Variants in COL16A1 observed in about 807,000 individuals in gnomAD.
COL16A1 encodes collagen type XVI alpha 1 chain.
A neutral mutation model predicts 266.3 loss-of-function variants in COL16A1; 189 were observed. The ratio of observed to expected loss-of-function variants is 0.71; its 90% CI spans 0.63 to 0.80. The LOEUF (loss-of-function observed/expected upper bound fraction) is 0.80, where lower values mean the gene tolerates loss of function less well. COL16A1 is among the 30% of genes least tolerant of loss of function. The pLI, the probability that COL16A1 is intolerant of heterozygous loss-of-function variation, is 0.00. For missense variants in COL16A1, 1,928 were observed against 2,122.4 expected (o/e 0.91, Z 1.80); for synonymous variants, 740 against 782.3 (o/e 0.95, Z 0.90).
In COL16A1 at chr1:31,654,971, CTTTTTTTTTT is replaced by C. The variant is rs10586841; in HGVS notation, c.4291-123_4291-114del. 1.1e-3 allele frequency: 453 copies of C among 414,384 alleles called. 1 individual carries two copies. The highest frequency in any genetic ancestry group is 2.5e-3 in the African/African-American group (65 of 25,640). 25.7% of individuals were successfully genotyped at this position (414,384 alleles called of 1,614,324 possible). A position where few individuals can be genotyped will look rare whatever the true frequency, so the allele number is the denominator to read the frequency against. On this transcript the variant is annotated intron_variant, in intron 67 of 70. Transcript: ENST00000373672. The stretch of plus-strand genomic sequence containing the variant: ...AGGTCCCAGGAGCCTCCCACAGATT[CTTTTTTTTTT>C]TTTTTTTTTTTTTTTTTTCTGAGAC...
At chr1:31,680,176 G>A (rs963369943) in intron 39 of COL16A1, 75 bp from the exon 40 acceptor site, 194 of 1,555,056 alleles carry the variant, frequency 1.2e-4, no homozygotes, top group Admixed American at 1.3e-4. Flanking sequence ...CGAGAGGCAC[G>A]TGGGCTCTAG....
intron 29 of COL16A1, 74 bp from the exon 30 acceptor site, chr1:31,684,930 G>A: frequency 1.2e-6 from 2 of 1,607,886 alleles, no homozygotes; most frequent in Non-Finnish European, 1.7e-6. Flanking sequence ...ACATCAGGCT[G>A]GGGCATACAA....
Position 31,697,178 on chromosome 1 carries a change from GCA to G in COL16A1, c.738+40_738+41del. 6.2e-7 allele frequency: 1 copy of G among 1,613,108 alleles called. No homozygotes were observed. The highest frequency in any genetic ancestry group is 8.5e-7 in the Non-Finnish European group (1 of 1,179,468). ...ATCACCTTCCAGACCCTCATCTCCA[GCA>G]CAGTGTGTCCCTGGGCAGCCCAAGG... On this transcript the variant is annotated intron_variant, in intron 7 of 70. Transcript: ENST00000373672. The surrounding 1 kb of genome is among the most constrained non-coding windows in gnomAD (Gnocchi z 4.2).
In COL16A1 at chr1:31,688,546, A is replaced by G. The variant is rs374916940; in HGVS notation, c.1768-44T>C. 9.1e-5 allele frequency: 147 copies of G among 1,613,004 alleles called. No homozygotes were observed. The highest frequency in any genetic ancestry group is 1.2e-4 in the Admixed American group (7 of 59,926). On this transcript the variant is annotated intron_variant, in intron 25 of 70. Coordinates refer to ENST00000373672, the MANE Select transcript of COL16A1 (RefSeq NM_001856.4). The surrounding 1 kb of genome is among the most constrained non-coding windows in gnomAD (Gnocchi z 4.9). ...AGAGTCTCAGCATCTCCCCACTCCC[A>G]CCTCTCCAAGGCTCCCCGGGTCCCA... is the stretch of plus-strand genomic sequence containing the variant.
rs1209426326 is a variant in COL16A1, at chr1:31,658,476, G to A, written c.4020+12C>T. The A allele has an allele frequency of 6.3e-7, 1 of 1,592,882 alleles. No individual in the cohort carries two copies. Among genetic ancestry groups the A allele is most frequent in the East Asian group, 2.3e-5 (1 of 44,342 alleles). On this transcript the variant is annotated intron_variant, in intron 64 of 70. Coordinates refer to ENST00000373672, the MANE Select transcript of COL16A1 (RefSeq NM_001856.4). The stretch of plus-strand genomic sequence containing the variant: ...TTCCCCCTGGGCTATGCTGTAGAAT[G>A]TGGGATCTTACTGGGGGGCCAGGGT...
In COL16A1 at chr1:31,698,031, G is replaced by C; in HGVS notation, c.532C>G (p.Arg178Gly). 8.1e-6 allele frequency: 13 copies of C among 1,613,738 alleles called. No individual in the cohort carries two copies. Among genetic ancestry groups the C allele is most frequent in the Non-Finnish European group, 1.1e-5 (13 of 1,180,046 alleles). The change falls in exon 6 of 71, where the codon CGT becomes GGT. Residue 178 changes from arginine to glycine, a missense_variant. By Grantham distance (125) the Arg-to-Gly change is moderately radical. Around this residue, in one of 2 missense-constraint regions of COL16A1, gnomAD observed 1,552 missense variants for 1,637.2 expected, o/e 0.95. Coordinates refer to ENST00000373672, the MANE Select transcript of COL16A1 (RefSeq NM_001856.4). The surrounding 1 kb of genome is among the most constrained non-coding windows in gnomAD (Gnocchi z 4.1). ...WHKLMLSVAG[R>G]VASVHVDCSS... The stretch of plus-strand genomic sequence containing the variant: ...CAGTCCACGTGCACAGAGGCCACAC[G>C]TCCAGCCACACTCAGCATCAGCTTG...
At chr1:31,679,718 G>A (rs948583585) in intron 41 of COL16A1, 33 bp from the exon 42 acceptor site, 7 of 1,613,388 alleles carry the variant, frequency 4.3e-6, no homozygotes, top group Non-Finnish European at 5.9e-6. Flanking sequence ...AGAGCCAGCA[G>A]AGAGCTCTGC....
chr1:31,695,801 G>C lies in COL16A1; in HGVS notation c.919-14C>G. On this transcript the variant is annotated splice_polypyrimidine_tract_variant and intron_variant, in intron 9 of 70. Transcript: ENST00000373672. ...CTCCTGATGGACCTGAGGAAAGGGT[G>C]GGGGGTGTGGGAATGGGCAGGGAGC... The C allele has an allele frequency of 1.9e-6, 3 of 1,610,278 alleles. No individual in the cohort carries two copies. The highest frequency in any genetic ancestry group is 2.5e-6 in the Non-Finnish European group (3 of 1,177,044).
At chr1:31,679,080 T>A (rs1643411770) in intron 42 of COL16A1, 1 of 183,692 alleles carries the variant, frequency 5.4e-6, no homozygotes, top group Non-Finnish European at 1.1e-5. Context: ...TGCAAATACT[T>A]CTCCTGCCCT....
Position 31,697,794 on chromosome 1 carries a change from A to T in COL16A1, c.657+112T>A, listed in dbSNP as rs1331525162. ...GGCTGCATTTGGAGGGCAACAGGAA[A>T]GCAGGGGAAGATTCTAAGCAGGAGA... On this transcript the variant is annotated intron_variant, in intron 6 of 70. Transcript: ENST00000373672. This position sits in a 1 kb window ranked among gnomAD's most constrained non-coding sequence, Gnocchi z 4.2. The T allele has an allele frequency of 7.7e-7, 1 of 1,305,272 alleles. No homozygotes were observed. The highest frequency in any genetic ancestry group is 1.0e-6 in the Non-Finnish European group (1 of 954,918). 80.9% of individuals were successfully genotyped at this position (1,305,272 alleles called of 1,614,324 possible).
At position 31,698,912 on chromosome 1, in the gene COL16A1, G is replaced by A. The variant is rs1644611475; in HGVS notation, c.267-306C>T. ...AGTTGGAGACCAGCCTGGGCAGCATGGTGAAACACCGTCTCTACTAAAAAT... is the reference window on the plus strand; with the variant it reads ...AGTTGGAGACCAGCCTGGGCAGCATAGTGAAACACCGTCTCTACTAAAAAT... On this transcript the variant is annotated intron_variant, in intron 4 of 70. Transcript: ENST00000373672. This position sits in a 1 kb window ranked among gnomAD's most constrained non-coding sequence, Gnocchi z 4.1. Among the ~76,000 whole-genome samples the A allele has an allele frequency of 6.6e-6, 1 of 152,094 alleles. No individual in the cohort carries two copies. The highest frequency in any genetic ancestry group is 2.4e-5 in the African/African-American group (1 of 41,398).
rs771431127 is a variant in COL16A1 at position 31,688,704 on chromosome 1, G to A, written c.1767+157C>T. 2 of 1,053,588 alleles carry A rather than the reference G, an allele frequency of 1.9e-6. No homozygotes were observed. Among genetic ancestry groups the A allele is most frequent in the Non-Finnish European group, 1.4e-6 (1 of 711,938 alleles). 65.3% of individuals were successfully genotyped at this position (1,053,588 alleles called of 1,614,324 possible). A position where few individuals can be genotyped will look rare whatever the true frequency, so the allele number is the denominator to read the frequency against. ...GGGCAAGGAGCCTGGGGCAGCACAG[G>A]GACGGAGGGAGGGACCAGGAGACAG... On this transcript the variant is annotated intron_variant, in intron 25 of 70. Transcript: ENST00000373672. The surrounding 1 kb of genome is among the most constrained non-coding windows in gnomAD (Gnocchi z 4.9).
In COL16A1 at chr1:31,686,239, C is replaced by T. The variant is rs1228177917; in HGVS notation, c.1839+5G>A. 2 of 1,614,082 alleles carry T rather than the reference C, an allele frequency of 1.2e-6. No homozygotes were observed. The highest frequency in any genetic ancestry group is 1.3e-5 in the African/African-American group (1 of 74,930). ...CCAAGCTGTTGCCATCCAAAACATA[C>T]TTACTGGACTGCCAGCTGGCCCTGC... On this transcript the variant is annotated splice_donor_5th_base_variant and intron_variant, in intron 27 of 70. Coordinates refer to ENST00000373672, the MANE Select transcript of COL16A1 (RefSeq NM_001856.4).
intron 62 of COL16A1, chr1:31,659,714 T>G (rs1641475482): frequency 6.6e-6 from 1 of 152,278 alleles, no homozygotes; most frequent in East Asian, 1.9e-4. Flanking sequence ...GGGGTGGAAG[T>G]GTCCAGCACA....
At chr1:31,684,995 A>T in intron 29 of COL16A1, 139 bp from the exon 30 acceptor site, 2 of 1,529,072 alleles carry the variant, frequency 1.3e-6, no homozygotes, top group Non-Finnish European at 1.8e-6. Flanking sequence ...AATCTTGCCC[A>T]GGTGCAGAGC....
Position 31,652,935 on chromosome 1 carries a change from C to T in COL16A1, c.4613-82G>A, listed in dbSNP as rs1009111335. On this transcript the variant is annotated intron_variant, in intron 70 of 70. Coordinates refer to ENST00000373672, the MANE Select transcript of COL16A1 (RefSeq NM_001856.4). This position sits in a 1 kb window ranked among gnomAD's most constrained non-coding sequence, Gnocchi z 4.8. ...GAAGCCATAATGGCATCAAATAATA[C>T]CTTACATTTGATGACTGTTTCTCAA... 3.1e-6 allele frequency: 4 copies of T among 1,275,158 alleles called. No individual in the cohort carries two copies. Among genetic ancestry groups the T allele is most frequent in the Non-Finnish European group, 4.1e-6 (4 of 969,678 alleles). The allele number at this position is 1,275,158 out of a possible 1,614,324, so 79.0% of individuals were successfully genotyped here. A position where few individuals can be genotyped will look rare whatever the true frequency, so the allele number is the denominator to read the frequency against.
At chr1:31,687,666 AC>A (rs1446264072) in intron 26 of COL16A1, among the ~76,000 whole-genome samples, 1 of 150,708 alleles carries the variant, frequency 6.6e-6, no homozygotes, top group African/African-American at 2.5e-5. Context: ...TCTGAGGACG[AC>A]CGCAAGGCTG....
At chr1:31,654,573 G>C (rs1241510349) in intron 68 of COL16A1, among the ~76,000 whole-genome samples, 1 of 152,150 alleles carries the variant, frequency 6.6e-6, no homozygotes, top group Non-Finnish European at 1.5e-5. Context: ...GGGGGCTCGG[G>C]GAATGCAGGA....
chr1:31,681,292 C>T (rs542724513), intron 37 of COL16A1, among the ~76,000 whole-genome samples: 28 of 152,346 alleles, frequency 1.8e-4, no homozygotes, highest in Admixed American at 1.5e-3. Context: ...AAGTACCCGT[C>T]GGGGAACACT....
Sources: gnomAD v4.1 joint callset for allele counts (sites outside exome capture counted in the v4.1 genomes callset) on GRCh38, gnomAD v4.1.1 for gene constraint, gnomAD v4.1.1 regional missense constraint, Gnocchi (gnomAD v3.1) non-coding constraint, MANE v1.5 for transcripts, NCBI Gene and HGNC (gene_info 2026-07-23, HGNC 2026-07-21) for gene names.